Variants in NEGR1 observed in about 807,000 individuals in gnomAD.
NEGR1 encodes neuronal growth regulator 1.
Under a neutral mutation model 40.9 loss-of-function variants are expected in NEGR1, and 10 were observed. The observed-to-expected ratio is 0.24, with a 90% CI of 0.15 to 0.42. NEGR1 has a LOEUF of 0.42. NEGR1 is among the 10% of genes least tolerant of loss of function. The probability of loss-of-function intolerance (pLI) is 1.00; values close to 1 mark genes in which losing one functional copy is unlikely to be tolerated. For missense variants in NEGR1, 352 were observed against 438.9 expected, an observed-to-expected ratio of 0.80 and a Z score of 1.77; for synonymous variants, 185 against 166.8, an observed-to-expected ratio of 1.11 and a Z score of -0.84.
At chr1:71,937,982 A>G (rs951893232) in intron 1 of NEGR1, among the ~76,000 whole-genome samples, 8 of 152,114 alleles carry the variant, frequency 5.3e-5, no homozygotes, top group Non-Finnish European at 1.2e-4. Context: ...GCTGCCACAG[A>G]AGAATGGAAT....
chr1:72,281,320 A>G (rs1250649784), intron 1 of NEGR1, among the ~76,000 whole-genome samples: 1 of 152,246 alleles, frequency 6.6e-6, no homozygotes, highest in African/African-American at 2.4e-5. Flanking sequence ...GGAACAGAGA[A>G]GGAGAGTATG....
At chr1:71,593,027 TA>T in intron 5 of NEGR1, 59 bp from the exon 6 acceptor site, 1 of 1,316,178 alleles carries the variant, frequency 7.6e-7, no homozygotes, top group Admixed American at 1.8e-5. Context: ...TTCATTTTTT[TA>T]TCTTAGCTGG....
chr1:72,230,999 A>G (rs1160292808), intron 1 of NEGR1, among the ~76,000 whole-genome samples: 2 of 152,106 alleles, frequency 1.3e-5, no homozygotes, highest in Non-Finnish European at 2.9e-5. Flanking sequence ...TCATGGAAGG[A>G]CTCCAAAGGT....
chr1:71,613,085 G>T (rs1270650459), intron 4 of NEGR1, among the ~76,000 whole-genome samples: 1 of 152,162 alleles, frequency 6.6e-6, no homozygotes, highest in Non-Finnish European at 1.5e-5. Context: ...GTTGAGAAAA[G>T]ACCATAGTGA....
At chr1:71,777,181 G>T (rs1656542956) in intron 2 of NEGR1, among the ~76,000 whole-genome samples, 1 of 152,040 alleles carries the variant, frequency 6.6e-6, no homozygotes, top group Non-Finnish European at 1.5e-5. Context: ...AAGAGCATGG[G>T]TATAAATCTC....
At chr1:71,766,167 C>A in intron 3 of NEGR1, among the ~76,000 whole-genome samples, 1 of 102,818 alleles carries the variant, frequency 9.7e-6, no homozygotes, top group African/African-American at 3.0e-5. Context: ...AGCAAGACTC[C>A]GTCTCAAAAA....
intron 6 of NEGR1, among the ~76,000 whole-genome samples, chr1:71,519,884 A>G (rs947651279): frequency 2.0e-5 from 3 of 152,050 alleles, no homozygotes; most frequent in African/African-American, 7.2e-5. Flanking sequence ...ATATGAAAAA[A>G]TTATAGACCT....
intron 2 of NEGR1, among the ~76,000 whole-genome samples, chr1:71,862,573 C>T (rs1570442678): frequency 6.6e-6 from 1 of 152,052 alleles, no homozygotes; most frequent in East Asian, 1.9e-4. Context: ...CCTCTCCATT[C>T]TGTGTATTGT....
chr1:72,254,817 G>A (rs1655213575), intron 1 of NEGR1, among the ~76,000 whole-genome samples: 1 of 151,216 alleles, frequency 6.6e-6, no homozygotes, highest in South Asian at 2.1e-4. Flanking sequence ...TCCAAGATAA[G>A]TTATATCCAT....
At chr1:71,661,230 T>G (rs187936890) in intron 4 of NEGR1, among the ~76,000 whole-genome samples, 74 of 152,356 alleles carry the variant, frequency 4.9e-4, no homozygotes, top group African/African-American at 1.7e-3. Context: ...ATGGGATTGC[T>G]GGGTGAAATG....
chr1:72,081,675 AAGG>A (rs1648003224), intron 1 of NEGR1, among the ~76,000 whole-genome samples: 1 of 152,092 alleles, frequency 6.6e-6, no homozygotes, highest in African/African-American at 2.4e-5. Context: ...TGAATAAATG[AAGG>A]AGTATATTAT....
At chr1:71,656,924 G>C (rs12062428) in intron 4 of NEGR1, among the ~76,000 whole-genome samples, 46 of 152,254 alleles carry the variant, frequency 3.0e-4, no homozygotes, top group African/African-American at 1.0e-3. Context: ...TTTAACACAT[G>C]GGTTGGGTGT....
At chr1:72,148,116 G>C (rs1370439950) in intron 1 of NEGR1, among the ~76,000 whole-genome samples, 1 of 152,038 alleles carries the variant, frequency 6.6e-6, no homozygotes, top group East Asian at 1.9e-4. Flanking sequence ...CTCTGTGTAG[G>C]GGCTCAGACT....
chr1:71,720,949 A>G (rs1254433699), intron 3 of NEGR1, among the ~76,000 whole-genome samples: 1 of 152,160 alleles, frequency 6.6e-6, no homozygotes, highest in African/African-American at 2.4e-5. Context: ...CCTAGAGAAA[A>G]CATCAGTCAG....
chr1:71,597,472 C>CTCTCTCTCTCTGTGTG (rs756076229), intron 5 of NEGR1, among the ~76,000 whole-genome samples: 15 of 31,330 alleles, frequency 4.8e-4, no homozygotes, highest in African/African-American at 1.3e-3. Context: ...CTCTCTCTCT[C>CTCTCTCTCTCTGTGTG]TGTGTGTGTG....
At chr1:71,573,034 G>T (rs1570049247) in intron 6 of NEGR1, among the ~76,000 whole-genome samples, 2 of 152,296 alleles carry the variant, frequency 1.3e-5, no homozygotes, top group Non-Finnish European at 2.9e-5. Context: ...AAATTCCCTT[G>T]TGCTGGGGAG....
intron 1 of NEGR1, among the ~76,000 whole-genome samples, chr1:72,227,491 A>T (rs1278773480): frequency 6.6e-6 from 1 of 152,070 alleles, no homozygotes; most frequent in Non-Finnish European, 1.5e-5. Context: ...AACTGAGAAA[A>T]TCAGGATGAT....
intron 2 of NEGR1, among the ~76,000 whole-genome samples, chr1:71,851,773 T>A (rs575146841): frequency 6.6e-6 from 1 of 152,236 alleles, no homozygotes; most frequent in South Asian, 2.1e-4. Flanking sequence ...TTAAAAAAAA[T>A]TATGTAGTAT....
At position 72,033,264 on chromosome 1, in the gene NEGR1, A is replaced by G. The variant is rs941073632; in HGVS notation, c.177-97953T>C. Among the ~76,000 whole-genome samples, 6 of 152,322 alleles carry G rather than the reference A, an allele frequency of 3.9e-5. No individual in the cohort carries two copies. In the East Asian group the frequency reaches 1.2e-3, roughly 29 times the overall value. On this transcript the variant is annotated intron_variant, in intron 1 of 6. Coordinates refer to ENST00000357731, the MANE Select transcript of NEGR1 (RefSeq NM_173808.3). Reference sequence around the variant, plus strand: ...AAGGAACAGCAGTATTTTGGTAATCATATGTTTTATTGAAGAACCTTTGGG... The same window carrying G: ...AAGGAACAGCAGTATTTTGGTAATCGTATGTTTTATTGAAGAACCTTTGGG...
Sources: gnomAD v4.1 joint callset for allele counts (sites outside exome capture counted in the v4.1 genomes callset) on GRCh38, gnomAD v4.1.1 for gene constraint, MANE v1.5 for transcripts, NCBI Gene and HGNC (gene_info 2026-07-23, HGNC 2026-07-21) for gene names.